DMD: variants seen among roughly 807,000 people sequenced by gnomAD.
The protein encoded by DMD is mutant dystrophin.
Under a neutral mutation model 330.1 loss-of-function variants are expected in DMD, and 63 were observed. The observed-to-expected ratio is 0.19, with a 90% CI of 0.16 to 0.24. DMD has a LOEUF of 0.24. Ranked by LOEUF, DMD falls within the 10% of genes least tolerant of loss-of-function variation. The probability of loss-of-function intolerance (pLI) is 1.00; values close to 1 mark genes in which losing one functional copy is unlikely to be tolerated. For missense variants in DMD, 3,344 were observed against 2,684.1 expected (o/e 1.25, Z -5.43); for synonymous variants, 1,223 against 959.8 (o/e 1.27, Z -5.07).
chrX:31,196,006 A>G (rs2042846624), intron 67 of DMD, among the ~76,000 whole-genome samples: 1 of 112,270 alleles, frequency 8.9e-6, no homozygotes, highest in South Asian at 3.7e-4. Context: ...ACACAAACCT[A>G]TCTTCAAAAT....
At chrX:32,362,174 C>G (rs765773902) in intron 37 of DMD, among the ~76,000 whole-genome samples, 1 of 111,492 alleles carries the variant, frequency 9.0e-6, no homozygotes, top group Non-Finnish European at 1.9e-5. Context: ...GTAAGCTTTG[C>G]AATGATTTGT....
chrX:31,225,098 C>T (rs1362821426), intron 63 of DMD, among the ~76,000 whole-genome samples: 1 of 112,510 alleles, frequency 8.9e-6, no homozygotes, highest in African/African-American at 3.2e-5. Context: ...AACCTGAACA[C>T]TTAAAATGGA....
At chrX:31,185,578 C>T (rs1249701348) in intron 67 of DMD, among the ~76,000 whole-genome samples, 2 of 111,611 alleles carry the variant, frequency 1.8e-5, no homozygotes, top group Non-Finnish European at 1.9e-5. Context: ...TTTGTGGTTC[C>T]CTGTAGATAT....
At chrX:31,214,937 CTT>C (rs761569710) in intron 64 of DMD, among the ~76,000 whole-genome samples, 4 of 38,087 alleles carry the variant, frequency 1.1e-4, no homozygotes, top group East Asian at 2.1e-3. Flanking sequence ...TTTCTTTTTT[CTT>C]TTTTTTTTTT....
intron 23 of DMD, among the ~76,000 whole-genome samples, chrX:32,465,095 T>C (rs1420865007): frequency 8.9e-6 from 1 of 112,015 alleles, no homozygotes; most frequent in Non-Finnish European, 1.9e-5. Context: ...ATAGCCTCCC[T>C]AAACCCGAAC....
chrX:33,338,625 C>T (rs983116480), intron 1 of DMD, among the ~76,000 whole-genome samples: 15 of 110,869 alleles, frequency 1.4e-4, no homozygotes, highest in African/African-American at 4.6e-4. Flanking sequence ...CCAGCTGGGT[C>T]GACATCAACT....
intron 1 of DMD, among the ~76,000 whole-genome samples, chrX:33,203,666 AT>A (rs376599340): frequency 0.014 from 1,442 of 102,063 alleles, 6 homozygotes; most frequent in African/African-American, 0.017. Context: ...GTCTTCTCTG[AT>A]TTTTTTTTTT....
intron 63 of DMD, among the ~76,000 whole-genome samples, chrX:31,255,173 T>A (rs1278381278): frequency 9.0e-6 from 1 of 111,306 alleles, no homozygotes; most frequent in African/African-American, 3.3e-5. Context: ...TAGACATAAA[T>A]TGTGAGAAAA....
chrX:31,729,134 C>T (rs746610506), intron 52 of DMD, among the ~76,000 whole-genome samples: 18 of 111,985 alleles, frequency 1.6e-4, no homozygotes, highest in Admixed American at 4.7e-4. Flanking sequence ...CACCCTACTA[C>T]GGCATAAGGT....
chrX:33,172,162 T>C (rs2049383551), intron 1 of DMD, among the ~76,000 whole-genome samples: 2 of 111,311 alleles, frequency 1.8e-5, no homozygotes, highest in African/African-American at 6.5e-5. Context: ...TTCTAGGTAC[T>C]GGAGGTGTGG....
rs746929204 is a variant in DMD, at chrX:32,263,822, T to A, written c.6290+23707A>T. Among the ~76,000 whole-genome samples, 9 of 111,777 alleles carry A rather than the reference T, an allele frequency of 8.1e-5. No individual in the cohort carries two copies. In the Admixed American group the frequency reaches 8.6e-4, roughly 11 times the overall value. On this transcript the variant is annotated intron_variant, in intron 43 of 78. Transcript: ENST00000357033. ...GGTCCGTTAACTACAACCCTTATCC[T>A]TTCCCTTTCTACCAACCCTCATTTA...
chrX:32,460,965 A>C (rs962654965), intron 25 of DMD, among the ~76,000 whole-genome samples: 1 of 111,595 alleles, frequency 9.0e-6, no homozygotes, highest in Non-Finnish European at 1.9e-5. Flanking sequence ...ATATCTGATC[A>C]TTTTTTTAGA....
intron 1 of DMD, among the ~76,000 whole-genome samples, chrX:33,106,740 A>G (rs945893358): frequency 1.8e-5 from 2 of 111,803 alleles, no homozygotes; most frequent in African/African-American, 6.5e-5. Flanking sequence ...TTCACTTCCA[A>G]CAGAGATTTT....
At chrX:32,643,253 G>A (rs1040956684) in intron 11 of DMD, among the ~76,000 whole-genome samples, 1 of 110,367 alleles carries the variant, frequency 9.1e-6, no homozygotes. Context: ...GCTTAAAAAT[G>A]TGTTTTTCCC....
chrX:32,770,746 A>G (rs990118312), intron 7 of DMD, among the ~76,000 whole-genome samples: 2 of 111,928 alleles, frequency 1.8e-5, no homozygotes, highest in African/African-American at 6.5e-5. Context: ...TAAAATGTAC[A>G]AAGTCCTTAA....
intron 53 of DMD, among the ~76,000 whole-genome samples, chrX:31,668,672 C>G (rs184223803): frequency 1.8e-5 from 2 of 110,921 alleles, no homozygotes; most frequent in African/African-American, 3.3e-5. Flanking sequence ...ATATTATTAA[C>G]TATGGTCACC....
At chrX:31,861,039 A>G (rs1369269198) in intron 48 of DMD, among the ~76,000 whole-genome samples, 2 of 111,655 alleles carry the variant, frequency 1.8e-5, no homozygotes, top group African/African-American at 6.5e-5. Context: ...ATTCATTAAA[A>G]CCTTTATCAT....
chrX:33,172,375 C>T (rs1273493561), intron 1 of DMD, among the ~76,000 whole-genome samples: 1 of 111,446 alleles, frequency 9.0e-6, no homozygotes, highest in African/African-American at 3.3e-5. Flanking sequence ...GGATGCTGGC[C>T]ATAAACAGGG....
chrX:33,201,080 C>T (rs779815211), intron 1 of DMD, among the ~76,000 whole-genome samples: 4 of 108,461 alleles, frequency 3.7e-5, no homozygotes, highest in Non-Finnish European at 7.7e-5. Context: ...TACAGGTGCA[C>T]GCCACCACGT....
Sources: allele counts gnomAD v4.1 joint callset (sites outside exome capture counted in the v4.1 genomes callset), GRCh38; gene constraint gnomAD v4.1.1; transcripts MANE v1.5; gene names NCBI Gene and HGNC (gene_info 2026-07-23, HGNC 2026-07-21).